Variants in NRXN3 observed in about 807,000 individuals in gnomAD.
NRXN3 encodes the protein neurexin III.
A neutral mutation model predicts 137.6 loss-of-function variants in NRXN3; 32 were observed. The ratio of observed to expected loss-of-function variants is 0.23; its 90% CI spans 0.18 to 0.31. The LOEUF (loss-of-function observed/expected upper bound fraction) is 0.31, where lower values mean the gene tolerates loss of function less well. Among genes scored for constraint, NRXN3 ranks in the 10% least tolerant of loss-of-function variants. The pLI, the probability that NRXN3 is intolerant of heterozygous loss-of-function variation, is 1.00. For missense variants in NRXN3, 1,574 were observed against 2,062.5 expected (o/e 0.76, Z 4.59); for synonymous variants, 798 against 784.5 (o/e 1.02, Z -0.29).
intron 19 of NRXN3, among the ~76,000 whole-genome samples, chr14:79,745,958 T>G (rs1359866028): frequency 6.6e-6 from 1 of 152,134 alleles, no homozygotes; most frequent in Non-Finnish European, 1.5e-5. Context: ...CTCACTCAAC[T>G]CCAGTATGAT....
intron 2 of NRXN3, among the ~76,000 whole-genome samples, chr14:78,244,434 G>GA (rs1248151604): frequency 2.3e-3 from 253 of 110,740 alleles, no homozygotes; most frequent in East Asian, 0.011. Flanking sequence ...TCTCAAAAAA[G>GA]AAAAAAAAAA....
chr14:78,807,760 GA>G (rs2098884931), intron 9 of NRXN3, among the ~76,000 whole-genome samples: 1 of 99,924 alleles, frequency 1.0e-5, no homozygotes, highest in African/African-American at 3.7e-5. Context: ...AAAAAAGAAA[GA>G]AAAGAAAAAG....
intron 10 of NRXN3, among the ~76,000 whole-genome samples, chr14:78,853,648 C>T (rs1204936198): frequency 2.6e-5 from 4 of 152,080 alleles, no homozygotes; most frequent in South Asian, 4.1e-4. Flanking sequence ...AATTAGTCCA[C>T]GTTTAAGGAC....
chr14:78,555,946 T>C (rs2096733176), intron 4 of NRXN3, among the ~76,000 whole-genome samples: 1 of 152,202 alleles, frequency 6.6e-6, no homozygotes. Flanking sequence ...GTGGTGATTA[T>C]GGAAAGATGT....
intron 4 of NRXN3, among the ~76,000 whole-genome samples, chr14:78,563,491 T>C (rs7140701): frequency 0.063 from 9,637 of 152,258 alleles, 453 homozygotes; most frequent in East Asian, 0.14. Flanking sequence ...AGTTAGCTCT[T>C]ACCTAGATCC....
At chr14:78,240,686 G>A (rs2066972671) in intron 1 of NRXN3, among the ~76,000 whole-genome samples, 1 of 152,180 alleles carries the variant, frequency 6.6e-6, no homozygotes, top group African/African-American at 2.4e-5. Context: ...GTTTGGCACA[G>A]CACCTGTGCC....
intron 15 of NRXN3, among the ~76,000 whole-genome samples, chr14:79,295,909 T>C (rs2084021647): frequency 6.6e-6 from 1 of 152,196 alleles, no homozygotes; most frequent in African/African-American, 2.4e-5. Context: ...AGTTTTCTCA[T>C]TGAATAACAA....
At chr14:78,252,616 G>T (rs1264810023) in intron 2 of NRXN3, among the ~76,000 whole-genome samples, 1 of 152,136 alleles carries the variant, frequency 6.6e-6, no homozygotes, top group East Asian at 1.9e-4. Context: ...CTGTTTGCCC[G>T]TGTGAAGTCC....
chr14:79,043,299 G>T (rs1166672607), intron 15 of NRXN3, among the ~76,000 whole-genome samples: 1 of 152,114 alleles, frequency 6.6e-6, no homozygotes, highest in East Asian at 1.9e-4. Context: ...ACAAAAGTCT[G>T]TTTTAGATAC....
intron 10 of NRXN3, among the ~76,000 whole-genome samples, chr14:78,813,785 G>T (rs1402776890): frequency 6.6e-6 from 1 of 152,016 alleles, no homozygotes; most frequent in Non-Finnish European, 1.5e-5. Context: ...TTCCAGCATC[G>T]AGAGAAATCA....
intron 4 of NRXN3, among the ~76,000 whole-genome samples, chr14:78,350,430 A>T (rs214029): frequency 6.6e-6 from 1 of 151,932 alleles, no homozygotes; most frequent in Non-Finnish European, 1.5e-5. Context: ...AGGGCACCCC[A>T]ACAAAAGCAT....
At chr14:78,791,369 G>A (rs553335698) in intron 8 of NRXN3, among the ~76,000 whole-genome samples, 89 of 152,152 alleles carry the variant, frequency 5.8e-4, no homozygotes, top group Non-Finnish European at 1.1e-3. Context: ...GTAAGAAAAG[G>A]GGTACAACCC....
At chr14:78,754,098 A>G (rs181685646) in intron 8 of NRXN3, among the ~76,000 whole-genome samples, 2 of 152,304 alleles carry the variant, frequency 1.3e-5, no homozygotes, top group African/African-American at 4.8e-5. Flanking sequence ...AAAATGTTTG[A>G]TTGGTTAAAA....
intron 4 of NRXN3, among the ~76,000 whole-genome samples, chr14:78,462,719 A>G (rs1376412013): frequency 6.6e-6 from 1 of 152,222 alleles, no homozygotes; most frequent in Non-Finnish European, 1.5e-5. Context: ...ATAATTAAAT[A>G]TAATTCTATT....
intron 10 of NRXN3, among the ~76,000 whole-genome samples, chr14:78,913,574 G>C (rs543661470): frequency 4.6e-5 from 7 of 152,012 alleles, no homozygotes; most frequent in African/African-American, 1.7e-4. Flanking sequence ...CACCGCGGCC[G>C]GCCACCTCTA....
chr14:79,836,241 T>C (rs1270874923), intron 20 of NRXN3, among the ~76,000 whole-genome samples: 1 of 152,186 alleles, frequency 6.6e-6, no homozygotes, highest in Non-Finnish European at 1.5e-5. Flanking sequence ...TGACACTAAG[T>C]GTGAGCCACA....
rs550954114 is a variant in NRXN3 at position 79,788,589 on chromosome 14, A to G, written c.4015-16523A>G. Among the ~76,000 whole-genome samples, 33 of 152,328 alleles carry G rather than the reference A, an allele frequency of 2.2e-4. No homozygotes were observed. In the South Asian group the frequency reaches 4.1e-3, roughly 19 times the overall value. ...TTAACAGAAGAGAAAACTAGGGTGC[A>G]GTGTTTGTGATTACCTTGGACTCTC... On this transcript the variant is annotated intron_variant, in intron 19 of 20. Transcript: ENST00000335750.
chr14:79,306,892 T>C (rs1462733059), intron 15 of NRXN3, among the ~76,000 whole-genome samples: 1 of 152,124 alleles, frequency 6.6e-6, no homozygotes, highest in Non-Finnish European at 1.5e-5. Flanking sequence ...TCCCCATTAT[T>C]GACTTCATTA....
chr14:79,290,101 C>T (rs186443450), intron 15 of NRXN3, among the ~76,000 whole-genome samples: 339 of 152,130 alleles, frequency 2.2e-3, no homozygotes, highest in African/African-American at 7.8e-3. Context: ...CAACTATTTC[C>T]GAGGCAGTCG....
Sources: gnomAD v4.1 joint callset for allele counts (sites outside exome capture counted in the v4.1 genomes callset) on GRCh38, gnomAD v4.1.1 for gene constraint, MANE v1.5 for transcripts, NCBI Gene and HGNC (gene_info 2026-07-23, HGNC 2026-07-21) for gene names.